ESR1: variants seen among roughly 807,000 people sequenced by gnomAD.
The protein encoded by ESR1 is estrogen receptor.
ESR1 carries 12 observed loss-of-function variants against 52.7 expected under a neutral mutation model. The observed-to-expected ratio is 0.23, with a 90% confidence interval of 0.15 to 0.37. The LOEUF is 0.37. ESR1 is among the 10% of genes least tolerant of loss of function. ESR1 has a pLI of 1.00. For synonymous variants in ESR1, 305 were observed against 316.8 expected, an observed-to-expected ratio of 0.96 and a Z score of 0.39; for missense variants, 584 against 779.7, an observed-to-expected ratio of 0.75 and a Z score of 2.99.
chr6:151,689,303 T>A (rs969305439), upstream of ESR1, among the ~76,000 whole-genome samples: 8 of 152,180 alleles, frequency 5.3e-5, no homozygotes, highest in Non-Finnish European at 1.2e-4. Context: ...TCACCAGAAA[T>A]CATAATAAAC....
intron 2 of ESR1, among the ~76,000 whole-genome samples, chr6:151,753,130 A>G (rs1784021418): frequency 6.6e-6 from 1 of 152,182 alleles, no homozygotes; most frequent in Non-Finnish European, 1.5e-5. Context: ...CACCAACTAC[A>G]CAGCTTCTTC....
chr6:152,103,072 A>G lies in ESR1; in HGVS notation c.*4106A>G, dbSNP rs1389410689. On this transcript the variant is annotated 3_prime_UTR_variant, in exon 8 of 8. Transcript: ENST00000206249. ...TTTATGGGAAAAGGCTCAAATGCCA[A>G]ATTGTGTTTGATGGATTAATATGCC... 1.4e-5 allele frequency: 3 copies of G among 221,492 alleles called. No homozygotes were observed. The highest frequency in any genetic ancestry group is 6.7e-5 in the African/African-American group (3 of 44,638). 13.7% of individuals were successfully genotyped at this position (221,492 alleles called of 1,614,324 possible).
intron 5 of ESR1, among the ~76,000 whole-genome samples, chr6:152,040,943 T>C (rs2045739521): frequency 6.6e-6 from 1 of 152,158 alleles, no homozygotes; most frequent in African/African-American, 2.4e-5. Flanking sequence ...ATATACCACT[T>C]CCATTTGATG....
At chr6:151,810,668 A>G (rs903194848) in intron 1 of ESR1, among the ~76,000 whole-genome samples, 4 of 152,216 alleles carry the variant, frequency 2.6e-5, no homozygotes, top group African/African-American at 9.6e-5. Context: ...CTAAAATGGA[A>G]AGGAATATAA....
At chr6:152,121,274 G>A (rs190600441) in intron 6 of ESR1, among the ~76,000 whole-genome samples, 1 of 152,200 alleles carries the variant, frequency 6.6e-6, no homozygotes, top group African/African-American at 2.4e-5. Context: ...GGTAGACAAT[G>A]AACAATAGAA....
chr6:151,946,017 A>G (rs1205813868), intron 4 of ESR1, among the ~76,000 whole-genome samples: 1 of 152,220 alleles, frequency 6.6e-6, no homozygotes, highest in Non-Finnish European at 1.5e-5. Context: ...TCATCTTCAG[A>G]ATGAAAAGTT....
chr6:151,703,583 T>C (rs555274649), intron 2 of ESR1, among the ~76,000 whole-genome samples: 1 of 152,296 alleles, frequency 6.6e-6, no homozygotes, highest in East Asian at 1.9e-4. Context: ...TGTAGCTCTT[T>C]GCCAGCTTGA....
intron 2 of ESR1, among the ~76,000 whole-genome samples, chr6:151,775,620 C>T (rs12662002): frequency 0.11 from 16,037 of 151,936 alleles, 1,181 homozygotes; most frequent in East Asian, 0.38. Context: ...GTGGCGGGCG[C>T]CTGTAGTCCC....
chr6:151,930,752 G>A (rs758784823), intron 3 of ESR1, among the ~76,000 whole-genome samples: 1 of 151,854 alleles, frequency 6.6e-6, no homozygotes, highest in Non-Finnish European at 1.5e-5. Flanking sequence ...ATTTTTGTCT[G>A]ATTTTTTTTT....
At chr6:151,953,068 A>G (rs542744553) in intron 4 of ESR1, among the ~76,000 whole-genome samples, 21 of 152,162 alleles carry the variant, frequency 1.4e-4, no homozygotes, top group Non-Finnish European at 2.5e-4. Flanking sequence ...TGGACTGACT[A>G]TAGTATAGCT....
chr6:151,894,017 G>A (rs1795082140), intron 3 of ESR1, among the ~76,000 whole-genome samples: 1 of 152,160 alleles, frequency 6.6e-6, no homozygotes, highest in Admixed American at 6.5e-5. Context: ...CCCACCAGCA[G>A]TATAGAAATG....
At chr6:152,079,343 A>C (rs1228978486) in intron 6 of ESR1, among the ~76,000 whole-genome samples, 1 of 152,188 alleles carries the variant, frequency 6.6e-6, no homozygotes, top group Non-Finnish European at 1.5e-5. Flanking sequence ...TACCCAGGCA[A>C]ACAGGGTCTG....
At chr6:151,755,674 A>G (rs1446536150) in intron 2 of ESR1, among the ~76,000 whole-genome samples, 2 of 150,994 alleles carry the variant, frequency 1.3e-5, no homozygotes, top group African/African-American at 4.9e-5. Flanking sequence ...TCTGTCATCC[A>G]GCCTGGAGAG....
At position 151,808,930 on chromosome 6, in the gene ESR1, C is replaced by CGAAA. The variant is rs566767154; in HGVS notation, c.452+566_452+567insGAAA. On this transcript the variant is annotated intron_variant, in intron 1 of 7. Coordinates refer to ENST00000206249, the MANE Select transcript of ESR1 (RefSeq NM_000125.4). ...GAAGCGATTCCTGTCACCCGCTTTCCCCTCCTCCCCACCCCACGTCCTGGG... is the reference window on the plus strand; with the variant it reads ...GAAGCGATTCCTGTCACCCGCTTTCCGAAACCTCCTCCCCACCCCACGTCCTGGG... Among the ~76,000 whole-genome samples, 30 of 152,242 alleles carry CGAAA rather than the reference C, an allele frequency of 2.0e-4. No homozygotes were observed. In the South Asian group the frequency reaches 6.2e-3, roughly 32 times the overall value.
chr6:151,898,962 C>T (rs1796017485), intron 3 of ESR1, among the ~76,000 whole-genome samples: 1 of 152,170 alleles, frequency 6.6e-6, no homozygotes, highest in East Asian at 1.9e-4. Context: ...CTCCTCACTT[C>T]CCAGTAGGGG....
chr6:151,829,784 A>T (rs1357003761), intron 1 of ESR1, among the ~76,000 whole-genome samples: 1 of 152,210 alleles, frequency 6.6e-6, no homozygotes, highest in East Asian at 1.9e-4. Flanking sequence ...ACTGAGGTGC[A>T]GAGGGGTTCG....
intron 2 of ESR1, among the ~76,000 whole-genome samples, chr6:151,845,342 G>A (rs940406396): frequency 9.2e-5 from 14 of 152,178 alleles, no homozygotes; most frequent in African/African-American, 2.4e-4. Flanking sequence ...AGGCTGAGGC[G>A]AGTGGATCAC....
chr6:152,066,496 C>T (rs535279568), intron 6 of ESR1, among the ~76,000 whole-genome samples: 1 of 152,262 alleles, frequency 6.6e-6, no homozygotes, highest in East Asian at 1.9e-4. Flanking sequence ...TCAGGTATGC[C>T]CATTGTTGTC....
At chr6:151,998,134 C>T (rs1197145742) in intron 4 of ESR1, among the ~76,000 whole-genome samples, 1 of 152,162 alleles carries the variant, frequency 6.6e-6, no homozygotes, top group Admixed American at 6.6e-5. Flanking sequence ...TATTTGCTCT[C>T]ATATGTTATG....
Sources: allele counts gnomAD v4.1 joint callset (sites outside exome capture counted in the v4.1 genomes callset), GRCh38; gene constraint gnomAD v4.1.1; transcripts MANE v1.5; gene names NCBI Gene and HGNC (gene_info 2026-07-23, HGNC 2026-07-21).